Variants in SLC4A4 observed in about 807,000 individuals in gnomAD.
SLC4A4 encodes solute carrier family 4 member 4, also known as electrogenic sodium bicarbonate cotransporter 1.
A neutral mutation model predicts 111.5 loss-of-function variants in SLC4A4; 27 were observed. The ratio of observed to expected loss-of-function variants is 0.24; its 90% CI spans 0.18 to 0.33. The LOEUF is 0.33. Ranked by LOEUF, SLC4A4 falls within the 10% of genes least tolerant of loss-of-function variation. The probability of loss-of-function intolerance (pLI) is 1.00; values close to 1 mark genes in which losing one functional copy is unlikely to be tolerated. For synonymous variants in SLC4A4, 443 were observed against 463.4 expected (o/e 0.96, Z 0.57); for missense variants, 909 against 1,315.5 (o/e 0.69, Z 4.78).
At chr4:71,203,349 A>G (rs1330495778) in intron 1 of SLC4A4, among the ~76,000 whole-genome samples, 1 of 152,202 alleles carries the variant, frequency 6.6e-6, no homozygotes, top group African/African-American at 2.4e-5. Context: ...TGACATTGGT[A>G]TAGATGATCT....
intron 12 of SLC4A4, among the ~76,000 whole-genome samples, chr4:71,454,340 C>G (rs1022060948): frequency 6.6e-6 from 1 of 152,142 alleles, no homozygotes; most frequent in Non-Finnish European, 1.5e-5. Flanking sequence ...ATTCCCTCCA[C>G]CAACCAGAAA....
At chr4:71,505,615 A>C (rs1731349657) in intron 16 of SLC4A4, among the ~76,000 whole-genome samples, 1 of 152,108 alleles carries the variant, frequency 6.6e-6, no homozygotes, top group Non-Finnish European at 1.5e-5. Flanking sequence ...CATAGTCTGC[A>C]AAAATTTTCT....
intron 2 of SLC4A4, among the ~76,000 whole-genome samples, chr4:71,164,128 C>A (rs958908016): frequency 1.3e-5 from 2 of 152,130 alleles, no homozygotes; most frequent in Admixed American, 6.5e-5. Context: ...CACCTATAAT[C>A]CCAGCATTTT....
At chr4:71,287,250 T>C (rs1723984526) in intron 3 of SLC4A4, among the ~76,000 whole-genome samples, 1 of 152,184 alleles carries the variant, frequency 6.6e-6, no homozygotes, top group Non-Finnish European at 1.5e-5. Context: ...GGAGATCTAA[T>C]AGGAAGGAAA....
intron 1 of SLC4A4, among the ~76,000 whole-genome samples, chr4:71,089,298 C>G (rs982436312): frequency 6.6e-6 from 1 of 151,944 alleles, no homozygotes; most frequent in African/African-American, 2.4e-5. Context: ...GGCCATTTGT[C>G]TAATTTTTTT....
intron 3 of SLC4A4, chr4:71,300,776 A>G: frequency 2.8e-6 from 1 of 357,006 alleles, no homozygotes; most frequent in Non-Finnish European, 5.6e-6. Context: ...GGTGGATAGC[A>G]GACCCCCGCA....
intron 1 of SLC4A4, among the ~76,000 whole-genome samples, chr4:71,234,051 T>G (rs1212802099): frequency 6.6e-6 from 1 of 152,216 alleles, no homozygotes; most frequent in East Asian, 1.9e-4. Context: ...TTAGAGCCTT[T>G]GTACTTGCTG....
chr4:71,454,075 C>G (rs1384368449), intron 12 of SLC4A4, among the ~76,000 whole-genome samples: 1 of 152,140 alleles, frequency 6.6e-6, no homozygotes, highest in Non-Finnish European at 1.5e-5. Flanking sequence ...TACACATGAG[C>G]AAATAGCTTC....
chr4:71,485,586 C>T (rs935825643), intron 14 of SLC4A4, among the ~76,000 whole-genome samples: 9 of 151,382 alleles, frequency 5.9e-5, no homozygotes, highest in Non-Finnish European at 1.3e-4. Context: ...TAATAATGCA[C>T]ATGTACTTGC....
At chr4:71,361,019 G>T (rs868217110) in intron 6 of SLC4A4, among the ~76,000 whole-genome samples, 2 of 152,142 alleles carry the variant, frequency 1.3e-5, no homozygotes, top group Admixed American at 1.3e-4. Context: ...GGTACACCCA[G>T]GAGGAGGAGC....
intron 2 of SLC4A4, among the ~76,000 whole-genome samples, chr4:71,244,636 A>G (rs1701597150): frequency 6.6e-6 from 1 of 152,198 alleles, no homozygotes; most frequent in Admixed American, 6.6e-5. Flanking sequence ...TATGTGCAAC[A>G]CTTTCTCACC....
In SLC4A4 at chr4:71,365,196, A is replaced by T. The variant is rs114040569; in HGVS notation, c.730+8009A>T. Among the ~76,000 whole-genome samples the T allele has an allele frequency of 4.5e-3, 679 of 152,240 alleles. 2 individuals are homozygous for T. The highest frequency in any genetic ancestry group is 0.016 in the African/African-American group (651 of 41,532). On this transcript the variant is annotated intron_variant, in intron 6 of 25. Coordinates refer to ENST00000264485, the MANE Select transcript of SLC4A4 (RefSeq NM_001098484.3). ...GTGAGAGAGTAAAAGAACTGAAATGATTCTCTTTGCGTTTATGCTACCACA... is the reference window on the plus strand; with the variant it reads ...GTGAGAGAGTAAAAGAACTGAAATGTTTCTCTTTGCGTTTATGCTACCACA...
intron 1 of SLC4A4, among the ~76,000 whole-genome samples, chr4:71,199,297 G>A (rs566346067): frequency 1.3e-5 from 2 of 152,236 alleles, no homozygotes; most frequent in East Asian, 3.9e-4. Flanking sequence ...TATAAAATAA[G>A]CACTTAGACT....
At chr4:71,115,607 GT>G (rs1288457118) in intron 2 of SLC4A4, among the ~76,000 whole-genome samples, 1 of 152,094 alleles carries the variant, frequency 6.6e-6, no homozygotes, top group African/African-American at 2.4e-5. Flanking sequence ...AAATGGTTAG[GT>G]TTAGAGGGCA....
rs758750649 is a variant in SLC4A4, at chr4:71,397,650, C to T, written c.804C>T (p.Asp268=). 1 of 1,613,382 alleles carries T rather than the reference C, an allele frequency of 6.2e-7. No individual in the cohort carries two copies. Among genetic ancestry groups the T allele is most frequent in the African/African-American group, 1.3e-5 (1 of 74,848 alleles). Residue 268 remains aspartate (D), a synonymous_variant, in exon 7 of 26, where the codon GAC becomes GAT. Transcript: ENST00000264485. ...ACATTTCTGATAAACCGGAGAAGGA[C>T]CAGGTAAGCAAAAAATTCTTGCTTC... ...LNDISDKPEK[D]QLKNKFMKKL...
Position 71,255,277 on chromosome 4 carries a change from G to A in SLC4A4, c.131G>A (p.Arg44His), listed in dbSNP as rs1252178361. 3.7e-6 allele frequency: 6 copies of A among 1,613,504 alleles called. No homozygotes were observed. In the South Asian group the frequency reaches 4.4e-5, roughly 12 times the overall value. ...CCGAAGAGTTACAGGAGAAGGAGAC[G>A]TCACAAGAGAAAGACAGGGCACAAA... Reference protein sequence around the residue: ...HVPKSYRRRRRHKRKTGHKEK... With the variant: ...HVPKSYRRRRHHKRKTGHKEK... The change falls in exon 3 of 26, where the codon CGT becomes CAT. Residue 44 changes from arginine to histidine, a missense_variant. Transcript: ENST00000264485.
intron 2 of SLC4A4, among the ~76,000 whole-genome samples, chr4:71,174,311 A>G (rs543575168): frequency 4.0e-5 from 6 of 149,840 alleles, no homozygotes; most frequent in Admixed American, 6.7e-5. Flanking sequence ...GCACAGAGGT[A>G]TGATCTCAGC....
intron 13 of SLC4A4, among the ~76,000 whole-genome samples, chr4:71,468,592 GTTATT>G (rs1727593024): frequency 1.3e-5 from 2 of 151,854 alleles, no homozygotes; most frequent in African/African-American, 4.8e-5. Flanking sequence ...TGTGGCAAGC[GTTATT>G]TTAATCTCAA....
chr4:71,098,596 A>G (rs1462722791), intron 2 of SLC4A4, among the ~76,000 whole-genome samples: 1 of 152,144 alleles, frequency 6.6e-6, no homozygotes, highest in Non-Finnish European at 1.5e-5. Flanking sequence ...ACAATGATGG[A>G]ATAAAATCAC....
Sources: allele counts gnomAD v4.1 joint callset (sites outside exome capture counted in the v4.1 genomes callset), GRCh38; gene constraint gnomAD v4.1.1; transcripts MANE v1.5; gene names NCBI Gene and HGNC (gene_info 2026-07-23, HGNC 2026-07-21).